Variants in SLC9A4 observed in about 807,000 individuals in gnomAD.
SLC9A4 encodes solute carrier family 9 member A4, also known as sodium/hydrogen exchanger 4.
In SLC9A4, 63 loss-of-function variants were observed where a neutral mutation model predicts 67.4. The ratio of observed to expected loss-of-function variants is 0.93; its 90% CI spans 0.76 to 1.15. SLC9A4 has a LOEUF of 1.15. Ranked by LOEUF, SLC9A4 falls within the 50% of genes most tolerant of loss-of-function variation. The pLI, the probability that SLC9A4 is intolerant of heterozygous loss-of-function variation, is 0.00. For missense variants in SLC9A4, 1,089 were observed against 987.7 expected (o/e 1.10, Z -1.38); for synonymous variants, 393 against 367.2 (o/e 1.07, Z -0.80).
At chr2:102,521,188 G>T (rs536586006) in intron 9 of SLC9A4, among the ~76,000 whole-genome samples, 91 of 152,310 alleles carry the variant, frequency 6.0e-4, no homozygotes, top group African/African-American at 2.1e-3. Flanking sequence ...GTGGATGAAG[G>T]CCAAGTTTAG....
rs1001595437 is a variant in SLC9A4, at chr2:102,486,145, A to G, written c.720+6843A>G. Among the ~76,000 whole-genome samples, 3 of 152,164 alleles carry G rather than the reference A, an allele frequency of 2.0e-5. No homozygotes were observed. The South Asian group carries it at 6.2e-4, about 32-fold the overall frequency. ...AAAGTAGTAAAGCATAGCCAAGAAC[A>G]TGGATGGGAAGCCATATGCTTCATT... On this transcript the variant is annotated intron_variant, in intron 2 of 11. Transcript: ENST00000295269.
rs781208583 is a variant in SLC9A4 at position 102,479,238 on chromosome 2, G to T, written c.656G>T (p.Arg219Leu). ...GTGCTAGCCGTGTTTGAGGAAGCGC[G>T]CGTGAACGAGCAGCTCTACATGATG... ...VAVLAVFEEARVNEQLYMMIF... is the reference protein window; with the variant it reads ...VAVLAVFEEALVNEQLYMMIF... The change falls in exon 2 of 12, where the codon CGC (arginine) becomes CTC (leucine). Residue 219 changes from arginine (R) to leucine (L), a missense_variant. Coordinates refer to ENST00000295269, the MANE Select transcript of SLC9A4 (RefSeq NM_001011552.4). 1.2e-6 allele frequency: 2 copies of T among 1,614,098 alleles called. No homozygotes were observed. The highest frequency in any genetic ancestry group is 1.7e-6 in the Non-Finnish European group (2 of 1,180,026).
chr2:102,482,470 C>T (rs918169903), intron 2 of SLC9A4, among the ~76,000 whole-genome samples: 14 of 152,224 alleles, frequency 9.2e-5, no homozygotes, highest in African/African-American at 3.4e-4. Flanking sequence ...CTCTGAGATC[C>T]CCTTTCCCCA....
Position 102,502,363 on chromosome 2 carries a change from G to A in SLC9A4, c.721-1085G>A, listed in dbSNP as rs151080338. Among the ~76,000 whole-genome samples the A allele has an allele frequency of 5.3e-5, 8 of 152,308 alleles. No individual in the cohort carries two copies. In the East Asian group the frequency reaches 9.6e-4, roughly 18 times the overall value. On this transcript the variant is annotated intron_variant, in intron 2 of 11. Transcript: ENST00000295269. ...AGTGTGTGTCACATAGGCTAGAATC[G>A]TTTGGGGGATTCGATGAAATGATGT...
At chr2:102,500,109 C>T (rs892873701) in intron 2 of SLC9A4, among the ~76,000 whole-genome samples, 7 of 152,148 alleles carry the variant, frequency 4.6e-5, no homozygotes, top group Non-Finnish European at 8.8e-5. Flanking sequence ...AAGGCGAGCT[C>T]GCACTGGACT....
Position 102,510,497 on chromosome 2 carries a change from C to G in SLC9A4, c.1488+1564C>G, listed in dbSNP as rs1038744660. On this transcript the variant is annotated intron_variant, in intron 6 of 11. Transcript: ENST00000295269. ...CAGGCCTGTTCTTAAGACATTTCAA[C>G]TGAATCAGTCCCACCCAGATTATCT... Among the ~76,000 whole-genome samples, 6 of 152,306 alleles carry G rather than the reference C, an allele frequency of 3.9e-5. No individual in the cohort carries two copies. The South Asian group carries it at 1.0e-3, about 26-fold the overall frequency.
In SLC9A4 at chr2:102,532,728, T is replaced by A. The variant is rs753884838; in HGVS notation, c.*40T>A. 8 of 1,555,950 alleles carry A rather than the reference T, an allele frequency of 5.1e-6. No homozygotes were observed. In the South Asian group the frequency reaches 5.9e-5, roughly 11 times the overall value. ...AGATTGTTTTGGTGTTTCTCAAGAG[T>A]CTGTCTTCCTATAACTGTGAAAGGA... On this transcript the variant is annotated 3_prime_UTR_variant, in exon 12 of 12. Coordinates refer to ENST00000295269, the MANE Select transcript of SLC9A4 (RefSeq NM_001011552.4).
rs1684989482 is a variant in SLC9A4, at chr2:102,503,614, A to G, written c.887A>G (p.Gln296Arg). 6.2e-7 allele frequency: 1 copy of G among 1,614,216 alleles called. No individual in the cohort carries two copies. The highest frequency in any genetic ancestry group is 1.3e-5 in the African/African-American group (1 of 75,056). ...TCTGCATTTATCACACGTTTCACTC[A>G]GAATATCTCTGCAATTGAGCCACTC... ...FISAFITRFT[Q>R]NISAIEPLIV... is the part of the protein sequence containing the mutation. The change falls in exon 3 of 12, where the codon CAG (glutamine) becomes CGG (arginine). Residue 296 changes from glutamine (Q) to arginine (R), a missense_variant. Physicochemically the swap from Gln to Arg is conservative, Grantham distance 43. Coordinates refer to ENST00000295269, the MANE Select transcript of SLC9A4 (RefSeq NM_001011552.4).
rs754913794 is a variant in SLC9A4, at chr2:102,508,233, G to GT, written c.1356dup (p.Val453CysfsTer29). The GT allele has an allele frequency of 5.0e-6, 8 of 1,614,098 alleles. No homozygotes were observed. In the South Asian group the frequency reaches 8.8e-5, roughly 18 times the overall value. On this transcript the variant is annotated frameshift_variant, in exon 5 of 12. Coordinates refer to ENST00000295269, the MANE Select transcript of SLC9A4 (RefSeq NM_001011552.4). LOFTEE classifies it high-confidence loss of function. Reference sequence around the variant, plus strand: ...TGTCTCTTTTTCCTAGGAAGAAAATGTTTGTCACTGCTACTCTAGTAGTTA... The same window carrying GT: ...TGTCTCTTTTTCCTAGGAAGAAAATGTTTTGTCACTGCTACTCTAGTAGTTA...
At chr2:102,488,073 A>G (rs1272063187) in intron 2 of SLC9A4, among the ~76,000 whole-genome samples, 3 of 152,202 alleles carry the variant, frequency 2.0e-5, no homozygotes, top group Non-Finnish European at 4.4e-5. Flanking sequence ...ATTCCTAGGA[A>G]GTTGCATAAT....
At chr2:102,522,573 G>A (rs953655112) in intron 9 of SLC9A4, among the ~76,000 whole-genome samples, 3 of 152,012 alleles carry the variant, frequency 2.0e-5, no homozygotes, top group Admixed American at 2.0e-4. Context: ...CCAAGTCTAG[G>A]TGTAGGAAAT....
rs754133855 is a variant in SLC9A4, at chr2:102,512,264, T to C, written c.1550T>C (p.Val517Ala). The C allele has an allele frequency of 5.0e-6, 8 of 1,613,968 alleles. No homozygotes were observed. The highest frequency in any genetic ancestry group is 6.8e-6 in the Non-Finnish European group (8 of 1,179,938). Reference sequence around the variant, plus strand: ...TGTGGGCACTGGAGTCACTACCAAGTGAGAGACAAGTAAGGAGGCTGAGGG... The same window carrying C: ...TGTGGGCACTGGAGTCACTACCAAGCGAGAGACAAGTAAGGAGGCTGAGGG... ...DVCGHWSHYQ[V>A]RDKFKKFDHR... Residue 517 changes from valine (V) to alanine (A), a missense_variant, in exon 7 of 12, where the codon GTG becomes GCG. Physicochemically the swap from Val to Ala is moderately conservative, Grantham distance 64. Transcript: ENST00000295269.
chr2:102,485,977 C>A (rs1026289179), intron 2 of SLC9A4, among the ~76,000 whole-genome samples: 1 of 152,174 alleles, frequency 6.6e-6, no homozygotes, highest in African/African-American at 2.4e-5. Flanking sequence ...TGTCCTGCAC[C>A]CCCACTGTCC....
In SLC9A4 at chr2:102,505,347, G is replaced by A; in HGVS notation, c.1074G>A (p.Leu358=). ...YTTIKYFMKM[L]SSVSETLIFI... ...CCATCAAGTACTTCATGAAGATGCT[G>A]AGCAGCGTCAGCGAGACCTTGATCT... Residue 358 remains leucine, a synonymous_variant, in exon 4 of 12, where the codon CTG becomes CTA. Transcript: ENST00000295269. The A allele has an allele frequency of 2.5e-6, 4 of 1,614,216 alleles. No homozygotes were observed. The East Asian group carries it at 6.7e-5, about 27-fold the overall frequency.
intron 2 of SLC9A4, among the ~76,000 whole-genome samples, chr2:102,494,564 G>A (rs916561456): frequency 1.1e-4 from 17 of 152,110 alleles, no homozygotes; most frequent in East Asian, 3.9e-4. Flanking sequence ...ATTATAAAGC[G>A]GGGCTCAAAT....
intron 3 of SLC9A4, among the ~76,000 whole-genome samples, chr2:102,504,302 T>C (rs1323010792): frequency 2.0e-5 from 3 of 152,156 alleles, no homozygotes; most frequent in African/African-American, 7.2e-5. Flanking sequence ...TCTGCCCGCC[T>C]TGGCCTCCCA....
intron 11 of SLC9A4, among the ~76,000 whole-genome samples, chr2:102,529,336 T>C (rs990754170): frequency 6.6e-6 from 1 of 152,252 alleles, no homozygotes; most frequent in African/African-American, 2.4e-5. Context: ...ATAGCACTTA[T>C]GTTAGCAGTT....
At chr2:102,476,360 C>A (rs950941227) in intron 1 of SLC9A4, among the ~76,000 whole-genome samples, 2 of 152,176 alleles carry the variant, frequency 1.3e-5, no homozygotes, top group Non-Finnish European at 2.9e-5. Context: ...AGGCCTGAAA[C>A]TGTAAATTTT....
At chr2:102,530,220 G>A (rs761440250) in intron 11 of SLC9A4, among the ~76,000 whole-genome samples, 8 of 152,094 alleles carry the variant, frequency 5.3e-5, no homozygotes, top group African/African-American at 7.2e-5. Flanking sequence ...GTTGGGGCCC[G>A]CCCTGCGCTG....
Sources: gnomAD v4.1 joint callset for allele counts (sites outside exome capture counted in the v4.1 genomes callset) on GRCh38, gnomAD v4.1.1 for gene constraint, MANE v1.5 for transcripts, NCBI Gene and HGNC (gene_info 2026-07-23, HGNC 2026-07-21) for gene names.